PAPPA: variants seen among roughly 807,000 people sequenced by gnomAD.
PAPPA encodes pappalysin-1.
In PAPPA, 60 loss-of-function variants were observed where a neutral mutation model predicts 164.0. The ratio of observed to expected loss-of-function variants is 0.37; its 90% CI spans 0.30 to 0.45. The LOEUF (loss-of-function observed/expected upper bound fraction) is 0.45, where lower values mean the gene tolerates loss of function less well. PAPPA is among the 20% of genes least tolerant of loss of function. PAPPA has a pLI of 1.00. For missense variants in PAPPA, 1,782 were observed against 2,087.3 expected (o/e 0.85, Z 2.85); for synonymous variants, 875 against 814.1 (o/e 1.07, Z -1.27).
intron 10 of PAPPA, among the ~76,000 whole-genome samples, chr9:116,317,697 A>T (rs1224545613): frequency 6.6e-6 from 1 of 152,162 alleles, no homozygotes; most frequent in African/African-American, 2.4e-5. Flanking sequence ...TCTAGAACTG[A>T]CAATGCCTCG....
intron 10 of PAPPA, among the ~76,000 whole-genome samples, chr9:116,309,161 C>T (rs745709718): frequency 1.9e-4 from 29 of 151,996 alleles, no homozygotes; most frequent in Non-Finnish European, 4.3e-4. Context: ...CTGCAGCCTC[C>T]ACCTCCCAGG....
intron 7 of PAPPA, among the ~76,000 whole-genome samples, chr9:116,238,223 C>A (rs1257283448): frequency 6.6e-6 from 1 of 152,292 alleles, no homozygotes; most frequent in East Asian, 1.9e-4. Context: ...TGCACTTAAA[C>A]AAGTTCTCAA....
rs550656956 is a variant in PAPPA at position 116,181,862 on chromosome 9, A to G, written c.416-5292A>G. ...ATAGATTACTCTTTGGTAATAAAGA[A>G]CCATCAATTCTTAGTTAATTGTTTA... On this transcript the variant is annotated intron_variant, in intron 1 of 21. Coordinates refer to ENST00000328252, the MANE Select transcript of PAPPA (RefSeq NM_002581.5). 2.6e-5 allele frequency among the ~76,000 whole-genome samples: 4 copies of G among 152,380 alleles called. No individual in the cohort carries two copies. The South Asian group carries it at 8.3e-4, about 32-fold the overall frequency.
chr9:116,337,806 C>G (rs1248465721), intron 13 of PAPPA, among the ~76,000 whole-genome samples: 3 of 152,106 alleles, frequency 2.0e-5, no homozygotes, highest in Non-Finnish European at 4.4e-5. Context: ...AGTCCTGTAG[C>G]AAAACCAGTT....
intron 1 of PAPPA, among the ~76,000 whole-genome samples, chr9:116,174,745 T>A (rs558302389): frequency 1.3e-5 from 2 of 152,040 alleles, no homozygotes; most frequent in Non-Finnish European, 2.9e-5. Context: ...AATAATATAA[T>A]AATAATACAT....
rs3789293 is a variant in PAPPA at position 116,225,957 on chromosome 9, G to A, written c.2112-1474G>A. On this transcript the variant is annotated intron_variant, in intron 5 of 21. Coordinates refer to ENST00000328252, the MANE Select transcript of PAPPA (RefSeq NM_002581.5). ...AATAAAAAGATGGTTATTAGATATT[G>A]ACTTTGTCCTCAAGGACCTCACAAT... Among the ~76,000 whole-genome samples, 1,024 of 152,248 alleles carry A rather than the reference G, an allele frequency of 6.7e-3. 30 individuals are homozygous for A. The East Asian group carries it at 0.096, about 14-fold the overall frequency.
At position 116,188,030 on chromosome 9, in the gene PAPPA, C is replaced by A; in HGVS notation, c.1292C>A (p.Thr431Lys). Residue 431 changes from threonine (T) to lysine (K), a missense_variant, in exon 2 of 22, where the codon ACG (threonine) becomes AAG (lysine). By Grantham distance (78) the Thr-to-Lys change is moderately conservative. Around this residue, in one of 2 missense-constraint regions of PAPPA, gnomAD observed 1,324 missense variants for 1,656.9 expected, o/e 0.80. Transcript: ENST00000328252. The part of the protein sequence containing the change: ...DENCDPECNH[T>K]LTGHDGGDCR... ...AACTGTGACCCCGAGTGCAACCACACGCTGACGGGCCACGACGGCGGGGAT... is the reference window on the plus strand; with the variant it reads ...AACTGTGACCCCGAGTGCAACCACAAGCTGACGGGCCACGACGGCGGGGAT... 1 of 1,614,188 alleles carries A rather than the reference C, an allele frequency of 6.2e-7. No individual in the cohort carries two copies. The highest frequency in any genetic ancestry group is 8.5e-7 in the Non-Finnish European group (1 of 1,180,022).
At chr9:116,369,247 A>G (rs1846541440) in intron 19 of PAPPA, among the ~76,000 whole-genome samples, 1 of 151,904 alleles carries the variant, frequency 6.6e-6, no homozygotes, top group South Asian at 2.1e-4. Flanking sequence ...ACCATTCCTG[A>G]ACCAGAATTC....
rs142176678 is a variant in PAPPA, at chr9:116,344,659, G to C, written c.3728G>C (p.Arg1243Pro). ...GGTGCCCAGTGTACTGTGAGCTGCC[G>C]GACAGGCTACGTGCTCCAGATACGG... Reference protein sequence around the residue: ...YHGAQCTVSCRTGYVLQIRRD... With the variant: ...YHGAQCTVSCPTGYVLQIRRD... The change falls in exon 14 of 22, where the codon CGG (arginine) becomes CCG (proline). Residue 1243 changes from arginine (R) to proline (P), a missense_variant. By Grantham distance (103) the Arg-to-Pro change is moderately radical. Coordinates refer to ENST00000328252, the MANE Select transcript of PAPPA (RefSeq NM_002581.5). 1.3e-5 allele frequency: 21 copies of C among 1,614,016 alleles called. No individual in the cohort carries two copies. The Admixed American group carries it at 1.7e-4, about 13-fold the overall frequency.
chr9:116,273,427 C>T (rs1439847562), intron 9 of PAPPA, among the ~76,000 whole-genome samples: 1 of 152,158 alleles, frequency 6.6e-6, no homozygotes, highest in Non-Finnish European at 1.5e-5. Context: ...TCAGTGATGA[C>T]AGCAGAGATT....
intron 20 of PAPPA, among the ~76,000 whole-genome samples, chr9:116,379,208 G>A (rs1233947768): frequency 6.6e-6 from 1 of 152,148 alleles, no homozygotes; most frequent in African/African-American, 2.4e-5. Flanking sequence ...GCCCTTGCAG[G>A]TGCCCCTCAT....
chr9:116,312,774 T>C (rs1251360054), intron 10 of PAPPA, among the ~76,000 whole-genome samples: 1 of 152,094 alleles, frequency 6.6e-6, no homozygotes, highest in Non-Finnish European at 1.5e-5. Flanking sequence ...GAAAGGGCCT[T>C]CTGCCTCCTC....
At position 116,373,312 on chromosome 9, in the gene PAPPA, C is replaced by G. The variant is rs1481298296; in HGVS notation, c.4606-4264C>G. ...TAAACATCGACTATGCACCTCCAAG[C>G]AGATACTCTTCAAACACTAGGAATA... On this transcript the variant is annotated intron_variant, in intron 19 of 21. Transcript: ENST00000328252. 2.0e-5 allele frequency: 3 copies of G among 152,086 alleles called. No individual in the cohort carries two copies. In the East Asian group the frequency reaches 5.8e-4, roughly 29 times the overall value. The allele number at this position is 152,086 out of a possible 1,614,324, so 9.4% of individuals were successfully genotyped here.
intron 10 of PAPPA, among the ~76,000 whole-genome samples, chr9:116,304,853 A>C (rs1845624077): frequency 6.6e-6 from 1 of 152,138 alleles, no homozygotes; most frequent in African/African-American, 2.4e-5. Flanking sequence ...ACTAGGTTCC[A>C]TTACTCTGGG....
chr9:116,352,541 G>T (rs183577460), intron 15 of PAPPA, among the ~76,000 whole-genome samples, 165 bp from the exon 16 acceptor site: 1 of 152,288 alleles, frequency 6.6e-6, no homozygotes, highest in Admixed American at 6.5e-5. Flanking sequence ...CTTTGTGGCA[G>T]CTCTCTTGAT....
At chr9:116,247,662 G>A (rs1844812709) in intron 7 of PAPPA, among the ~76,000 whole-genome samples, 1 of 152,162 alleles carries the variant, frequency 6.6e-6, no homozygotes, top group Non-Finnish European at 1.5e-5. Flanking sequence ...GATGTGAGAA[G>A]AATGGAGGAA....
Position 116,302,943 on chromosome 9 carries a change from C to A in PAPPA, c.3140C>A (p.Ala1047Glu). 6.2e-7 allele frequency: 1 copy of A among 1,613,254 alleles called. No individual in the cohort carries two copies. ...PGWVIIGQPA[A>E]SQVCRTKVID... ...TGGGTCATCATCGGACAGCCAGCAG[C>A]ATCCCAGGTAAGATCCTAACCATGT... Residue 1047 changes from alanine to glutamate, a missense_variant, in exon 10 of 22, where the codon GCA (alanine) becomes GAA (glutamate). Ala to Glu is a moderately radical substitution (Grantham distance 107, BLOSUM62 -1). Transcript: ENST00000328252.
At chr9:116,244,564 T>A (rs2118765647) in intron 7 of PAPPA, among the ~76,000 whole-genome samples, 1 of 151,880 alleles carries the variant, frequency 6.6e-6, no homozygotes. Flanking sequence ...TTTCAAGAGG[T>A]TATAATAGAG....
chr9:116,181,663 G>A (rs1843906647), intron 1 of PAPPA, among the ~76,000 whole-genome samples: 1 of 152,204 alleles, frequency 6.6e-6, no homozygotes, highest in Non-Finnish European at 1.5e-5. Flanking sequence ...AGCTTGGGAA[G>A]AAAAATCAGT....
Sources: gnomAD v4.1 joint callset for allele counts (sites outside exome capture counted in the v4.1 genomes callset) on GRCh38, gnomAD v4.1.1 for gene constraint, gnomAD v4.1.1 regional missense constraint, MANE v1.5 for transcripts, NCBI Gene and HGNC (gene_info 2026-07-23, HGNC 2026-07-21) for gene names.